Variants in ENKUR observed in about 807,000 individuals in gnomAD.
The protein encoded by ENKUR is enkurin.
In ENKUR, 19 loss-of-function variants were observed where a neutral mutation model predicts 27.6. That is an observed-to-expected ratio of 0.69 (90% CI 0.48 to 1.01). The LOEUF (loss-of-function observed/expected upper bound fraction) is 1.01. Ranked by LOEUF, ENKUR falls within the 50% of genes least tolerant of loss-of-function variation. The probability of loss-of-function intolerance (pLI) is 0.00; values close to 1 mark genes in which losing one functional copy is unlikely to be tolerated. For synonymous variants in ENKUR, 117 were observed against 96.9 expected (o/e 1.21, Z -1.22); for missense variants, 312 against 310.5 (o/e 1.00, Z -0.04).
At chr10:25,016,198 G>T, upstream of ENKUR, 1 of 1,172,300 alleles carries the variant, frequency 8.5e-7, no homozygotes, top group Non-Finnish European at 1.1e-6. Flanking sequence ...ACGAGGAAGT[G>T]GCAGGCAGCA....
At chr10:25,049,089 C>A (rs879566593) in intron 2 of ENKUR, among the ~76,000 whole-genome samples, 5 of 152,120 alleles carry the variant, frequency 3.3e-5, no homozygotes, top group Non-Finnish European at 5.9e-5. Flanking sequence ...ACCAGGGCAG[C>A]ATGTTATTGA....
intron 2 of ENKUR, among the ~76,000 whole-genome samples, chr10:25,060,345 C>T (rs1454603989): frequency 1.3e-5 from 2 of 152,144 alleles, no homozygotes; most frequent in African/African-American, 4.8e-5. Context: ...CAACAGGGAG[C>T]CAAAGAATAC....
chr10:25,025,832 C>CT (rs1850840690), intron 2 of ENKUR: 1 of 180,548 alleles, frequency 5.5e-6, no homozygotes, highest in Non-Finnish European at 1.3e-5. Context: ...AGTGAATACT[C>CT]TGTTGATTAG....
At chr10:25,021,636 A>G (rs1318285490) in intron 2 of ENKUR, 1 of 152,204 alleles carries the variant, frequency 6.6e-6, no homozygotes, top group African/African-American at 2.4e-5. Context: ...ATTTTTCTGT[A>G]TTTTTAAAAT....
rs117967671 is a variant in ENKUR, at chr10:24,991,852, C to A, written c.448-1243G>T. Among the ~76,000 whole-genome samples the A allele has an allele frequency of 9.2e-4, 140 of 152,338 alleles. 3 individuals carry two copies. In the East Asian group the frequency reaches 0.026, roughly 28 times the overall value. ...TGGACAGCTAAACCAAAAGAGCACC[C>A]TGTAACACACGCCCACTGCGGCTTC... On this transcript the variant is annotated intron_variant, in intron 3 of 5. Transcript: ENST00000331161.
chr10:25,028,872 C>T (rs1418798787), intron 2 of ENKUR, among the ~76,000 whole-genome samples: 4 of 152,142 alleles, frequency 2.6e-5, no homozygotes, highest in African/African-American at 9.7e-5. Flanking sequence ...TATTCATTCC[C>T]TTTCTCATAG....
intron 1 of ENKUR, among the ~76,000 whole-genome samples, chr10:25,015,120 G>A (rs1850536709): frequency 6.6e-6 from 1 of 152,118 alleles, no homozygotes; most frequent in Non-Finnish European, 1.5e-5. Flanking sequence ...TACTTTCTTT[G>A]CTCCCCACAG....
At chr10:25,040,004 T>G (rs1352985) in intron 2 of ENKUR, among the ~76,000 whole-genome samples, 1 of 116,152 alleles carries the variant, frequency 8.6e-6, no homozygotes, top group Non-Finnish European at 1.7e-5. Flanking sequence ...CTGGCCGTGG[T>G]ACGTACTCTG....
chr10:25,050,402 C>T (rs1478376415), intron 2 of ENKUR, among the ~76,000 whole-genome samples: 4 of 152,188 alleles, frequency 2.6e-5, no homozygotes, highest in Non-Finnish European at 5.9e-5. Context: ...GCCTCACAAT[C>T]GTGCAGAAGC....
chr10:25,060,047 A>G (rs1564360067), intron 2 of ENKUR, among the ~76,000 whole-genome samples: 1 of 152,068 alleles, frequency 6.6e-6, no homozygotes, highest in Non-Finnish European at 1.5e-5. Context: ...GTGGTTGTCT[A>G]ATATATGCAA....
intron 2 of ENKUR, among the ~76,000 whole-genome samples, chr10:24,996,456 G>GTGTGTA (rs757314440): frequency 8.7e-5 from 13 of 149,804 alleles, no homozygotes; most frequent in African/African-American, 1.7e-4. Context: ...GTGTGTGTGT[G>GTGTGTA]TATATATATA....
At chr10:25,018,960 T>C (rs1389725931), upstream of ENKUR, among the ~76,000 whole-genome samples, 2 of 152,196 alleles carry the variant, frequency 1.3e-5, no homozygotes, top group Non-Finnish European at 2.9e-5. Flanking sequence ...TCCTTGTGAT[T>C]ACAGAACTAT....
chr10:25,033,328 C>T (rs559372380), intron 2 of ENKUR, among the ~76,000 whole-genome samples: 78 of 136,692 alleles, frequency 5.7e-4, no homozygotes, highest in Admixed American at 1.8e-3. Flanking sequence ...TGCTTGGGCT[C>T]AGGAATTTGA....
intron 2 of ENKUR, among the ~76,000 whole-genome samples, chr10:25,035,507 A>T (rs1438368577): frequency 6.6e-6 from 1 of 151,782 alleles, no homozygotes; most frequent in African/African-American, 2.4e-5. Context: ...GTGAGCTGAG[A>T]TTGCACCATT....
chr10:24,998,636 T>C (rs545309499), intron 2 of ENKUR, among the ~76,000 whole-genome samples: 8 of 152,148 alleles, frequency 5.3e-5, no homozygotes, highest in African/African-American at 1.9e-4. Flanking sequence ...TGGGAAGACA[T>C]ACTTGGGCTA....
chr10:24,994,443 C>T (rs1263452994), intron 3 of ENKUR, among the ~76,000 whole-genome samples: 8 of 151,686 alleles, frequency 5.3e-5, no homozygotes, highest in East Asian at 2.0e-4. Flanking sequence ...AAGCGATTCT[C>T]GTGCCTTAGC....
At chr10:24,991,189 C>T (rs928729893) in intron 3 of ENKUR, among the ~76,000 whole-genome samples, 4 of 152,082 alleles carry the variant, frequency 2.6e-5, no homozygotes, top group African/African-American at 9.7e-5. Flanking sequence ...TACTTTACTC[C>T]TAAGAGTTGG....
At chr10:25,033,950 A>T (rs1296912342) in intron 2 of ENKUR, among the ~76,000 whole-genome samples, 2 of 152,132 alleles carry the variant, frequency 1.3e-5, no homozygotes, top group Admixed American at 6.6e-5. Flanking sequence ...AAAATAAATG[A>T]GCAAGTGTTC....
chr10:25,047,470 A>G (rs1046020651), intron 2 of ENKUR, among the ~76,000 whole-genome samples: 10 of 152,200 alleles, frequency 6.6e-5, no homozygotes, highest in Non-Finnish European at 1.3e-4. Flanking sequence ...GTAAAGTGGA[A>G]TAGTGTTTCC....
Sources: gnomAD v4.1 joint callset for allele counts (sites outside exome capture counted in the v4.1 genomes callset) on GRCh38, gnomAD v4.1.1 for gene constraint, MANE v1.5 for transcripts, NCBI Gene and HGNC (gene_info 2026-07-23, HGNC 2026-07-21) for gene names.